Variants in RABGAP1L observed in about 807,000 individuals in gnomAD.
RABGAP1L encodes the protein rab GTPase-activating protein 1-like.
In RABGAP1L, 63 loss-of-function variants were observed where a neutral mutation model predicts 137.7. The observed-to-expected ratio is 0.46, with a 90% CI of 0.37 to 0.56. The LOEUF (loss-of-function observed/expected upper bound fraction) is 0.56, where lower values mean the gene tolerates loss of function less well. Ranked by LOEUF, RABGAP1L falls within the 20% of genes least tolerant of loss-of-function variation. The pLI is 0.00. For missense variants in RABGAP1L, 1,095 were observed against 1,244.0 expected (o/e 0.88, Z 1.80); for synonymous variants, 431 against 433.7 (o/e 0.99, Z 0.08).
chr1:174,168,464 A>AT (rs925329573), intron 1 of RABGAP1L, among the ~76,000 whole-genome samples: 21 of 150,682 alleles, frequency 1.4e-4, no homozygotes, highest in African/African-American at 2.2e-4. Flanking sequence ...GCTTTTTTCC[A>AT]TTTTTTTTTA....
intron 1 of RABGAP1L, among the ~76,000 whole-genome samples, chr1:174,200,731 C>T (rs960576362): frequency 1.3e-5 from 2 of 152,126 alleles, no homozygotes; most frequent in African/African-American, 2.4e-5. Flanking sequence ...TTTCTAGTCA[C>T]GTTGAACCTT....
intron 13 of RABGAP1L, among the ~76,000 whole-genome samples, chr1:174,534,603 C>A (rs528333296): frequency 6.6e-6 from 1 of 151,528 alleles, no homozygotes; most frequent in South Asian, 2.1e-4. Flanking sequence ...ATGGTGAAAC[C>A]CCGTCTCTAC....
chr1:174,957,213 TATA>T (rs1338595308), intron 19 of RABGAP1L, among the ~76,000 whole-genome samples: 1 of 152,210 alleles, frequency 6.6e-6, no homozygotes, highest in African/African-American at 2.4e-5. Flanking sequence ...GCAGGTTTTG[TATA>T]ATAATGACAG....
At chr1:174,536,179 A>C (rs1361788990) in intron 13 of RABGAP1L, among the ~76,000 whole-genome samples, 1 of 152,136 alleles carries the variant, frequency 6.6e-6, no homozygotes, top group African/African-American at 2.4e-5. Context: ...ATTCATTCAA[A>C]ATGAATAATT....
intron 18 of RABGAP1L, among the ~76,000 whole-genome samples, chr1:174,805,104 A>G (rs1009906752): frequency 6.6e-6 from 1 of 152,214 alleles, no homozygotes; most frequent in Non-Finnish European, 1.5e-5. Context: ...CATTGTATAC[A>G]TCTTAACTTT....
intron 13 of RABGAP1L, among the ~76,000 whole-genome samples, chr1:174,523,511 A>G (rs1004036085): frequency 6.6e-6 from 1 of 152,372 alleles, no homozygotes; most frequent in Admixed American, 6.5e-5. Context: ...TTATTGATTC[A>G]TAATATGTTA....
chr1:174,980,829 A>G (rs574429457), intron 23 of RABGAP1L, among the ~76,000 whole-genome samples: 4 of 152,326 alleles, frequency 2.6e-5, no homozygotes, highest in Non-Finnish European at 5.9e-5. Context: ...ACCAGAGTCC[A>G]ACTGTAAGAA....
chr1:174,656,532 A>G (rs538260072), intron 14 of RABGAP1L, among the ~76,000 whole-genome samples: 1 of 152,214 alleles, frequency 6.6e-6, no homozygotes, highest in African/African-American at 2.4e-5. Context: ...AACCATTACT[A>G]CTGTTTAATT....
At chr1:174,798,625 T>G (rs199547640) in intron 18 of RABGAP1L, among the ~76,000 whole-genome samples, 1 of 29,756 alleles carries the variant, frequency 3.4e-5, no homozygotes, top group Non-Finnish European at 1.9e-4. Context: ...ATTAATCTAT[T>G]TATTTAGGCC....
chr1:174,396,642 T>G (rs2149090523), intron 13 of RABGAP1L, among the ~76,000 whole-genome samples: 1 of 152,154 alleles, frequency 6.6e-6, no homozygotes, highest in South Asian at 2.1e-4. Flanking sequence ...AGGAGGTAAC[T>G]GCCATACCCC....
chr1:174,327,390 CA>C (rs1231710188), intron 11 of RABGAP1L, among the ~76,000 whole-genome samples: 7 of 151,634 alleles, frequency 4.6e-5, no homozygotes, highest in African/African-American at 1.7e-4. Flanking sequence ...TATGGGAGAG[CA>C]ATGGAGTTAG....
chr1:174,760,044 G>A (rs1685097142), intron 18 of RABGAP1L, among the ~76,000 whole-genome samples: 1 of 152,168 alleles, frequency 6.6e-6, no homozygotes, highest in East Asian at 1.9e-4. Flanking sequence ...TTATGAAAGA[G>A]GTAGGTTTGA....
chr1:174,770,629 T>A (rs371534951), intron 18 of RABGAP1L, among the ~76,000 whole-genome samples: 1 of 152,248 alleles, frequency 6.6e-6, no homozygotes, highest in South Asian at 2.1e-4. Flanking sequence ...GTTTCCTCCT[T>A]GTTCTATTTT....
intron 19 of RABGAP1L, among the ~76,000 whole-genome samples, chr1:174,885,347 A>G (rs1237762450): frequency 1.3e-5 from 2 of 152,202 alleles, no homozygotes; most frequent in South Asian, 2.1e-4. Flanking sequence ...TACCTAGCAC[A>G]TAGAAAGTGG....
intron 14 of RABGAP1L, among the ~76,000 whole-genome samples, chr1:174,659,928 A>G (rs1335790027): frequency 6.6e-6 from 1 of 152,184 alleles, no homozygotes; most frequent in East Asian, 1.9e-4. Flanking sequence ...TGAGTAGGTA[A>G]TACCTGTTGT....
At chr1:174,241,987 C>G (rs763412701) in intron 5 of RABGAP1L, among the ~76,000 whole-genome samples, 1 of 152,098 alleles carries the variant, frequency 6.6e-6, no homozygotes, top group Non-Finnish European at 1.5e-5. Flanking sequence ...TAGATTGGTC[C>G]ATGTGATTTT....
intron 19 of RABGAP1L, among the ~76,000 whole-genome samples, chr1:174,833,412 G>A (rs763855043): frequency 0.18 from 15,376 of 83,494 alleles, 2,943 homozygotes; most frequent in East Asian, 0.64. Flanking sequence ...ATGTGTGTAT[G>A]TGTGTGTGTG....
intron 13 of RABGAP1L, among the ~76,000 whole-genome samples, chr1:174,606,095 A>G (rs779354753): frequency 2.0e-5 from 3 of 152,154 alleles, no homozygotes; most frequent in Non-Finnish European, 4.4e-5. Flanking sequence ...GGGAGAATTT[A>G]TTTTGGTGCA....
At chr1:174,511,578 C>G (rs1662344850) in intron 13 of RABGAP1L, among the ~76,000 whole-genome samples, 2 of 150,640 alleles carry the variant, frequency 1.3e-5, no homozygotes, top group Non-Finnish European at 3.0e-5. Context: ...AATCTATGCC[C>G]TGGTTAAAAC....
Sources: gnomAD v4.1 joint callset for allele counts (sites outside exome capture counted in the v4.1 genomes callset) on GRCh38, gnomAD v4.1.1 for gene constraint, MANE v1.5 for transcripts, NCBI Gene and HGNC (gene_info 2026-07-23, HGNC 2026-07-21) for gene names.